The following CDH26 variants were observed in gnomAD, a reference collection of about 807,000 sequenced individuals.
CDH26 encodes the protein cadherin-like protein 26.
In CDH26, 83 loss-of-function variants were observed where a neutral mutation model predicts 90.3. The observed-to-expected ratio is 0.92, with a 90% CI of 0.77 to 1.10. The LOEUF (loss-of-function observed/expected upper bound fraction) is 1.10. CDH26 is among the 50% of genes least tolerant of loss of function. The probability of loss-of-function intolerance (pLI) is 0.00; values close to 1 mark genes in which losing one functional copy is unlikely to be tolerated. For synonymous variants in CDH26, 397 were observed against 396.3 expected (o/e 1.00, Z -0.02); for missense variants, 1,013 against 1,037.6 (o/e 0.98, Z 0.33).
chr20:59,965,600 T>C (rs1027332212), intron 1 of CDH26, among the ~76,000 whole-genome samples: 1 of 152,266 alleles, frequency 6.6e-6, no homozygotes, highest in African/African-American at 2.4e-5. Context: ...TCCTCTCTGC[T>C]TCTGTATTCA....
At chr20:60,003,202 T>C (rs1254166750) in intron 16 of CDH26, among the ~76,000 whole-genome samples, 3 of 152,224 alleles carry the variant, frequency 2.0e-5, no homozygotes, top group Admixed American at 2.0e-4. Flanking sequence ...TTAGACATCA[T>C]CTAGTCAATT....
intron 8 of CDH26, among the ~76,000 whole-genome samples, chr20:60,032,785 G>A (rs1291364810): frequency 6.8e-6 from 1 of 147,332 alleles, no homozygotes; most frequent in Non-Finnish European, 1.5e-5. Context: ...ACTCATAGGT[G>A]GGAATTGAAC....
chr20:59,983,178 C>A, intron 5 of CDH26, 108 bp downstream of exon 5: 1 of 1,283,718 alleles, frequency 7.8e-7, no homozygotes, highest in Non-Finnish European at 1.1e-6. Context: ...AGAGTTTTTA[C>A]TGTTCACATC....
intron 1 of CDH26, among the ~76,000 whole-genome samples, chr20:59,959,378 G>C (rs1057481571): frequency 6.6e-6 from 1 of 151,392 alleles, no homozygotes; most frequent in Non-Finnish European, 1.5e-5. Flanking sequence ...GGGTTTACAG[G>C]CATGAGCCAC....
At chr20:60,020,187 C>G (rs993576070) in intron 7 of CDH26, among the ~76,000 whole-genome samples, 3 of 152,156 alleles carry the variant, frequency 2.0e-5, no homozygotes, top group African/African-American at 7.2e-5. Flanking sequence ...CTTGGCTGAC[C>G]TGGGATCATG....
At chr20:59,998,902 T>TA (rs2061639082) in intron 13 of CDH26, among the ~76,000 whole-genome samples, 1 of 152,204 alleles carries the variant, frequency 6.6e-6, no homozygotes, top group Non-Finnish European at 1.5e-5. Flanking sequence ...CCTTGGTAAA[T>TA]AAGGCCATCT....
chr20:59,967,048 A>G (rs978981878), intron 1 of CDH26, among the ~76,000 whole-genome samples: 1 of 152,188 alleles, frequency 6.6e-6, no homozygotes, highest in African/African-American at 2.4e-5. Context: ...TAAAAGTCCA[A>G]TCCAAAACCA....
chr20:60,016,157 G>A (rs1439239418), downstream of CDH26, among the ~76,000 whole-genome samples: 2 of 152,130 alleles, frequency 1.3e-5, no homozygotes, highest in African/African-American at 4.8e-5. Context: ...TTTCTGTGAA[G>A]AATGTCATTG....
intron 4 of CDH26, among the ~76,000 whole-genome samples, chr20:59,978,685 T>G (rs760966898): frequency 1.3e-5 from 2 of 152,130 alleles, no homozygotes; most frequent in Non-Finnish European, 2.9e-5. Flanking sequence ...TATATTTACT[T>G]TTTACATATA....
chr20:59,990,717 A>G (rs1373395280), intron 9 of CDH26, among the ~76,000 whole-genome samples: 1 of 152,178 alleles, frequency 6.6e-6, no homozygotes, highest in Non-Finnish European at 1.5e-5. Flanking sequence ...GCAGCCAACC[A>G]ACAGCTCACA....
intron 16 of CDH26, among the ~76,000 whole-genome samples, chr20:60,004,988 T>C (rs890378997): frequency 1.3e-5 from 2 of 151,838 alleles, no homozygotes; most frequent in Non-Finnish European, 2.9e-5. Context: ...TGCACTTATA[T>C]GTGGGTTTTC....
At chr20:59,987,431 A>G in intron 7 of CDH26, 22 bp from the exon 8 acceptor site, 5 of 1,593,502 alleles carry the variant, frequency 3.1e-6, no homozygotes, top group Non-Finnish European at 4.3e-6. Flanking sequence ...CATGACATGG[A>G]CATGATGATT....
intron 1 of CDH26, among the ~76,000 whole-genome samples, chr20:59,967,841 CTTTCTT>C (rs2061174059): frequency 1.2e-5 from 1 of 82,894 alleles, no homozygotes; most frequent in South Asian, 4.6e-4. Flanking sequence ...TTCTTTCTTT[CTTTCTT>C]TCTTTCTTTC....
chr20:60,032,807 A>G (rs538105364), intron 8 of CDH26, among the ~76,000 whole-genome samples: 57 of 133,600 alleles, frequency 4.3e-4, no homozygotes, highest in Non-Finnish European at 7.4e-4. Flanking sequence ...ATGAGAACAC[A>G]TGGACACAGG....
At chr20:60,004,839 C>T (rs893981661) in intron 16 of CDH26, among the ~76,000 whole-genome samples, 1 of 148,310 alleles carries the variant, frequency 6.7e-6, no homozygotes, top group Admixed American at 6.7e-5. Context: ...TACAGCATTA[C>T]AGTCTTATGG....
intron 12 of CDH26, chr20:59,996,286 T>C (rs2061595894): frequency 8.0e-7 from 1 of 1,256,230 alleles, no homozygotes; most frequent in Admixed American, 2.9e-5. Flanking sequence ...AATCCACTGG[T>C]AAATATAGTC....
chr20:60,001,235 T>A, intron 14 of CDH26, 108 bp from the exon 15 acceptor site: 1 of 1,337,994 alleles, frequency 7.5e-7, no homozygotes, highest in Non-Finnish European at 1.1e-6. Flanking sequence ...TGTGTTTGCC[T>A]ATGAATATAT....
downstream of CDH26, among the ~76,000 whole-genome samples, chr20:60,018,220 A>C (rs991084362): frequency 2.0e-5 from 3 of 151,980 alleles, no homozygotes; most frequent in African/African-American, 7.2e-5. Flanking sequence ...CCCAACTATT[A>C]TTGTATTGGG....
At chr20:60,028,006 T>C (rs912374846) in intron 7 of CDH26, among the ~76,000 whole-genome samples, 1 of 152,212 alleles carries the variant, frequency 6.6e-6, no homozygotes, top group Non-Finnish European at 1.5e-5. Flanking sequence ...ACCAGGACAC[T>C]GATATTGAAA....
Sources: gnomAD v4.1 joint callset for allele counts (sites outside exome capture counted in the v4.1 genomes callset) on GRCh38, gnomAD v4.1.1 for gene constraint, MANE v1.5 for transcripts, NCBI Gene and HGNC (gene_info 2026-07-23, HGNC 2026-07-21) for gene names.